The following PPFIA4 variants were observed in gnomAD, a reference collection of about 807,000 sequenced individuals.
PPFIA4 encodes the protein liprin-alpha-4.
A neutral mutation model predicts 145.7 loss-of-function variants in PPFIA4; 98 were observed. The observed-to-expected ratio is 0.67, with a 90% CI of 0.57 to 0.80. PPFIA4 has a LOEUF of 0.80. PPFIA4 is among the 30% of genes least tolerant of loss of function. PPFIA4 has a pLI of 0.00. For synonymous variants in PPFIA4, 628 were observed against 649.6 expected (o/e 0.97, Z 0.51); for missense variants, 1,457 against 1,632.7 (o/e 0.89, Z 1.85).
chr1:203,038,546 C>G (rs557200056), intron 1 of PPFIA4, 64 bp from the exon 2 acceptor site: 2 of 155,314 alleles, frequency 1.3e-5, no homozygotes, highest in Non-Finnish European at 2.8e-5. Context: ...CTCCTCTGCT[C>G]CACCCCCTCC....
Position 203,046,328 on chromosome 1 carries a change from G to T in PPFIA4, c.1086G>T (p.Glu362Asp), listed in dbSNP as rs1205503548. The T allele has an allele frequency of 1.9e-6, 3 of 1,594,140 alleles. No homozygotes were observed. Among genetic ancestry groups the T allele is most frequent in the African/African-American group, 2.7e-5 (2 of 74,670 alleles). Residue 362 changes from glutamate to aspartate, a missense_variant, in exon 9 of 30, where the codon GAG (glutamate) becomes GAT (aspartate). Glu to Asp is a conservative substitution (Grantham distance 45). Around this residue, in one of 3 missense-constraint regions of PPFIA4, gnomAD observed 848 missense variants for 1,046.7 expected, o/e 0.81. Transcript: ENST00000295706. ...QKLQQTMRKAETLPEVEAELA... is the reference protein window; with the variant it reads ...QKLQQTMRKADTLPEVEAELA... Reference sequence around the variant, plus strand: ...TGCAGCAGACGATGCGCAAGGCAGAGACGCTGCCAGAGGTGGAGGCTGAGC... The same window carrying T: ...TGCAGCAGACGATGCGCAAGGCAGATACGCTGCCAGAGGTGGAGGCTGAGC...
chr1:203,045,602 C>T lies in PPFIA4; in HGVS notation c.858+43C>T, dbSNP rs1385238195. 18 of 1,512,470 alleles carry T rather than the reference C, an allele frequency of 1.2e-5. 1 individual carries two copies. The highest frequency in any genetic ancestry group is 6.5e-5 in the South Asian group (5 of 77,260). The allele number at this position is 1,512,470 out of a possible 1,614,324, so 93.7% of individuals were successfully genotyped here. A position where few individuals can be genotyped will look rare whatever the true frequency, so the allele number is the denominator to read the frequency against. ...CCTGCTCTGTGACCTCATTGTGGAG[C>T]GTGTGGAGGGAGAGCCAGGCAAAGG... On this transcript the variant is annotated intron_variant, in intron 7 of 29. Coordinates refer to ENST00000295706, the MANE Select transcript of PPFIA4 (RefSeq NM_001304331.2).
In PPFIA4 at chr1:203,048,224, T is replaced by G; in HGVS notation, c.1141-3T>G. On this transcript the variant is annotated splice_polypyrimidine_tract_variant and splice_region_variant and intron_variant, in intron 9 of 29. Transcript: ENST00000295706. This position sits in a 1 kb window ranked among gnomAD's most constrained non-coding sequence, Gnocchi z 5.8. ...GGCTGCACCGACCCATCCCTGCCCC[T>G]AGGCTGAAGAACGGCATGGCAACAT... 2 of 1,612,690 alleles carry G rather than the reference T, an allele frequency of 1.2e-6. No individual in the cohort carries two copies. The highest frequency in any genetic ancestry group is 1.7e-6 in the Non-Finnish European group (2 of 1,179,822).
At position 203,055,288 on chromosome 1, in the gene PPFIA4, T is replaced by C; in HGVS notation, c.1830-144T>C. The C allele has an allele frequency of 9.2e-7, 1 of 1,085,448 alleles. No individual in the cohort carries two copies. Among genetic ancestry groups the C allele is most frequent in the Non-Finnish European group, 1.3e-6 (1 of 740,856 alleles). The allele number at this position is 1,085,448 out of a possible 1,614,324, so 67.2% of individuals were successfully genotyped here. The stretch of plus-strand genomic sequence containing the variant: ...GCAAGCTAACAAGAAAGAGATGTGT[T>C]TCTAAGCTCCAGTGGGACAGACAAA... On this transcript the variant is annotated intron_variant, in intron 15 of 29. Transcript: ENST00000295706. This position sits in a 1 kb window ranked among gnomAD's most constrained non-coding sequence, Gnocchi z 4.8.
intron 13 of PPFIA4, chr1:203,051,354 C>G: frequency 3.1e-6 from 3 of 979,556 alleles, no homozygotes; most frequent in Non-Finnish European, 3.7e-6. Context: ...TGAAAAGGGC[C>G]TCTAGACATC....
rs1423443088 is a variant in PPFIA4, at chr1:203,055,104, A to G, written c.1830-328A>G. Among the ~76,000 whole-genome samples the G allele has an allele frequency of 1.3e-5, 2 of 152,222 alleles. No individual in the cohort carries two copies. The highest frequency in any genetic ancestry group is 6.5e-5 in the Admixed American group (1 of 15,286). On this transcript the variant is annotated intron_variant, in intron 15 of 29. Transcript: ENST00000295706. The surrounding 1 kb of genome is among the most constrained non-coding windows in gnomAD (Gnocchi z 4.8). ...TGACTTATACCACTTCAGACATAGC[A>G]TATGTTGGGAAACTGAGGCACAGAC...
intron 23 of PPFIA4, chr1:203,061,389 G>C (rs989514289): frequency 1.9e-6 from 1 of 523,664 alleles, no homozygotes; most frequent in Non-Finnish European, 3.4e-6. Flanking sequence ...GGGAGTGTTG[G>C]GAGAGCTGGG....
chr1:203,071,435 T>TGCTGAGATTACAGGCATGAGCCACCGC (rs373961170), intron 27 of PPFIA4, among the ~76,000 whole-genome samples: 1 of 151,270 alleles, frequency 6.6e-6, no homozygotes, highest in Non-Finnish European at 1.5e-5. Context: ...CCTCCCAAAG[T>TGCTGAGATTACAGGCATGAGCCACCGC]GCCCGGCCAC....
At chr1:203,056,291 C>T in intron 17 of PPFIA4, 84 bp from the exon 18 acceptor site, 1 of 1,597,238 alleles carries the variant, frequency 6.3e-7, no homozygotes, top group Non-Finnish European at 8.5e-7. Context: ...CTGCATTTCT[C>T]CATGCTCCGC....
intron 2 of PPFIA4, among the ~76,000 whole-genome samples, chr1:203,040,236 T>C (rs1256511056): frequency 1.3e-5 from 2 of 152,196 alleles, no homozygotes. Flanking sequence ...TCCTGCCCTC[T>C]CTGCCCCTCG....
intron 28 of PPFIA4, among the ~76,000 whole-genome samples, chr1:203,072,218 T>A (rs1436631224): frequency 6.6e-6 from 1 of 152,214 alleles, no homozygotes; most frequent in African/African-American, 2.4e-5. Context: ...GCGGATGCCC[T>A]GCTGAGGTTG....
At position 203,068,510 on chromosome 1, in the gene PPFIA4, G is replaced by T. The variant is rs758829277; in HGVS notation, c.3206G>T (p.Arg1069Leu). 6.2e-7 allele frequency: 1 copy of T among 1,609,172 alleles called. No individual in the cohort carries two copies. Reference sequence around the variant, plus strand: ...CATTGGGTCCAGTCTATTGGGCTCCGGGACTACGCAGGAAACCTGCATGAG... The same window carrying T: ...CATTGGGTCCAGTCTATTGGGCTCCTGGACTACGCAGGAAACCTGCATGAG... ...VVHWVQSIGL[R>L]DYAGNLHESG... Residue 1069 changes from arginine (R) to leucine (L), a missense_variant, in exon 27 of 30, where the codon CGG becomes CTG. By Grantham distance (102) the Arg-to-Leu change is moderately radical (BLOSUM62 -2). Coordinates refer to ENST00000295706, the MANE Select transcript of PPFIA4 (RefSeq NM_001304331.2). The surrounding 1 kb of genome is among the most constrained non-coding windows in gnomAD (Gnocchi z 4.7).
At chr1:203,047,425 G>T (rs1660165323) in intron 9 of PPFIA4, among the ~76,000 whole-genome samples, 1 of 152,152 alleles carries the variant, frequency 6.6e-6, no homozygotes, top group African/African-American at 2.4e-5. Flanking sequence ...CAGCCTTAGT[G>T]TCTCCCAAAG....
At chr1:203,074,529 C>T (rs897207851) in intron 28 of PPFIA4, among the ~76,000 whole-genome samples, 4 of 151,942 alleles carry the variant, frequency 2.6e-5, no homozygotes, top group Admixed American at 2.6e-4. Context: ...GTGCTGTGAC[C>T]GAGAGGTACA....
intron 2 of PPFIA4, among the ~76,000 whole-genome samples, chr1:203,042,676 G>A (rs552075753): frequency 1.4e-4 from 21 of 152,138 alleles, no homozygotes; most frequent in African/African-American, 5.1e-4. Flanking sequence ...TCACCCTGTC[G>A]CCCAGGCTGG....
At chr1:203,027,618 A>G (rs971017198) in intron 1 of PPFIA4, among the ~76,000 whole-genome samples, 1 of 152,066 alleles carries the variant, frequency 6.6e-6, no homozygotes, top group Admixed American at 6.5e-5. Flanking sequence ...GGTTTCAGGG[A>G]TTTCCCATAG....
At position 203,056,107 on chromosome 1, in the gene PPFIA4, C is replaced by A. The variant is rs1660925137; in HGVS notation, c.2071-13C>A. On this transcript the variant is annotated splice_polypyrimidine_tract_variant and intron_variant, in intron 16 of 29. Coordinates refer to ENST00000295706, the MANE Select transcript of PPFIA4 (RefSeq NM_001304331.2). ...AGGGTGAGTCTGAGCTTACCCATCC[C>A]TCTCTCTTGCAGCCCAGTGACTTAA... 6.2e-7 allele frequency: 1 copy of A among 1,613,994 alleles called. No homozygotes were observed. Among genetic ancestry groups the A allele is most frequent in the Non-Finnish European group, 8.5e-7 (1 of 1,179,882 alleles).
At position 203,056,144 on chromosome 1, in the gene PPFIA4, A is replaced by G. The variant is rs1359738994; in HGVS notation, c.2095A>G (p.Arg699Gly). 3 of 1,613,966 alleles carry G rather than the reference A, an allele frequency of 1.9e-6. No homozygotes were observed. The highest frequency in any genetic ancestry group is 2.5e-6 in the Non-Finnish European group (3 of 1,179,870). ...TLPSDLRKHR[R>G]KLLSPVSREE... ...GCCCAGTGACTTAAGAAAGCATAGG[A>G]GGAAGCTGCTGGTGAGTGCTGCCTG... Residue 699 changes from arginine (R) to glycine (G), a missense_variant, in exon 17 of 30, where the codon AGG (arginine) becomes GGG (glycine). Arg to Gly is a moderately radical substitution (Grantham distance 125, BLOSUM62 -2). Around this residue, in one of 3 missense-constraint regions of PPFIA4, gnomAD observed 848 missense variants for 1,046.7 expected, o/e 0.81. Coordinates refer to ENST00000295706, the MANE Select transcript of PPFIA4 (RefSeq NM_001304331.2).
intron 1 of PPFIA4, among the ~76,000 whole-genome samples, chr1:203,027,214 G>GGGGGTGGGGACA (rs1658468461): frequency 6.6e-6 from 1 of 152,162 alleles, no homozygotes; most frequent in African/African-American, 2.4e-5. Flanking sequence ...GAGGCCTGGT[G>GGGGGTGGGGACA]GGGGTGGGGA....
Sources: gnomAD v4.1 joint callset for allele counts (sites outside exome capture counted in the v4.1 genomes callset) on GRCh38, gnomAD v4.1.1 for gene constraint, gnomAD v4.1.1 regional missense constraint, Gnocchi (gnomAD v3.1) non-coding constraint, MANE v1.5 for transcripts, NCBI Gene and HGNC (gene_info 2026-07-23, HGNC 2026-07-21) for gene names.